Variants in CIMAP1A observed in about 807,000 individuals in gnomAD.
CIMAP1A encodes the protein cancer/testis antigen 135.
At chr11:197,591 G>C in the CIMAP1A span, 1 of 1,613,350 alleles carries the variant, frequency 6.2e-7, no homozygotes. Flanking sequence ...ACCAAGCTGC[G>C]TGCACCGGCC....
chr11:197,345 G>GC, the CIMAP1A span: 2 of 1,594,304 alleles, frequency 1.3e-6, no homozygotes. Context: ...AGGCCCCATC[G>GC]CCCCCGGGGA....
chr11:197,467 G>A, the CIMAP1A span: 2 of 1,592,038 alleles, frequency 1.3e-6, no homozygotes, highest in Non-Finnish European at 8.6e-7. Context: ...GGCAGGTGGG[G>A]GTCCCGGGAA....
At chr11:199,324 C>T in the CIMAP1A span, 8 of 1,550,698 alleles carry the variant, frequency 5.2e-6, 1 homozygote, top group South Asian at 1.2e-5. Context: ...TAGGGCCACA[C>T]GCCCTGGGTA....
chr11:198,561 C>T, the CIMAP1A span: 9 of 1,611,164 alleles, frequency 5.6e-6, no homozygotes, highest in South Asian at 1.1e-5. Context: ...GCAAGCTGGG[C>T]GGCTTCAGCG....
the CIMAP1A span, chr11:197,796 A>G: frequency 8.8e-4 from 1,407 of 1,603,722 alleles, no homozygotes; most frequent in Non-Finnish European, 1.1e-3. Context: ...TGCCCTGCGC[A>G]GCCTCAGGCC....
At chr11:198,093 G>A in the CIMAP1A span, 7 of 1,549,832 alleles carry the variant, frequency 4.5e-6, no homozygotes, top group Admixed American at 2.0e-5. Flanking sequence ...CTGTGTTGGA[G>A]CCCAGAGGCC....
At chr11:197,334 G>C in the CIMAP1A span, 2 of 1,589,858 alleles carry the variant, frequency 1.3e-6, no homozygotes, top group East Asian at 2.3e-5. Context: ...TGGGTACCTG[G>C]AGGCCCCATC....
At chr11:199,352 C>A in the CIMAP1A span, 8 of 1,561,194 alleles carry the variant, frequency 5.1e-6, no homozygotes, top group East Asian at 1.9e-4. Flanking sequence ...TTGGTCTGAG[C>A]CTCCTTTACC....
the CIMAP1A span, chr11:197,429 ACT>A: frequency 6.3e-7 from 1 of 1,598,018 alleles, no homozygotes; most frequent in Non-Finnish European, 8.5e-7. Flanking sequence ...AGCCTGAGAG[ACT>A]GTGGGAGAGG....
chr11:197,531 C>G, the CIMAP1A span: 1 of 1,608,852 alleles, frequency 6.2e-7, no homozygotes, highest in Non-Finnish European at 8.5e-7. Flanking sequence ...GGTCAGGCTC[C>G]GGGCTGCTCA....
At chr11:199,456 C>G in the CIMAP1A span, 2 of 1,563,998 alleles carry the variant, frequency 1.3e-6, no homozygotes, top group Non-Finnish European at 1.7e-6. Flanking sequence ...CCGTGTGGAG[C>G]CCCCAGGGGA....
the CIMAP1A span, chr11:198,914 T>G: frequency 1.7e-6 from 2 of 1,209,026 alleles, no homozygotes; most frequent in Non-Finnish European, 2.1e-6. Context: ...AACCATGAGC[T>G]ATTTGGGGGA....
chr11:199,849 G>C, the CIMAP1A span: 1 of 1,522,854 alleles, frequency 6.6e-7, no homozygotes, highest in South Asian at 1.3e-5. Flanking sequence ...CTTGGCCCCA[G>C]GTTCAGGAAG....
the CIMAP1A span, chr11:197,782 C>T: frequency 6.2e-7 from 1 of 1,610,354 alleles, no homozygotes; most frequent in Admixed American, 1.7e-5. Flanking sequence ...CTGTCTCAGG[C>T]TCCTGCCCTG....
the CIMAP1A span, chr11:198,774 G>T: frequency 4.3e-5 from 61 of 1,434,488 alleles, 1 homozygote; most frequent in East Asian, 3.5e-4. Flanking sequence ...CAACAGGCCA[G>T]AAGGGAGACG....
the CIMAP1A span, chr11:197,045 T>A: frequency 9.5e-6 from 3 of 315,070 alleles, no homozygotes; most frequent in East Asian, 6.1e-5. Flanking sequence ...CCGAGAACAG[T>A]GGTGAGTTAA....
At chr11:197,351 G>A in the CIMAP1A span, 4 of 1,596,242 alleles carry the variant, frequency 2.5e-6, no homozygotes, top group African/African-American at 1.3e-5. Flanking sequence ...CATCGCCCCC[G>A]GGGACCCATC....
At chr11:199,875 C>T in the CIMAP1A span, 1 of 1,582,416 alleles carries the variant, frequency 6.3e-7, no homozygotes, top group Admixed American at 1.8e-5. Flanking sequence ...CAGCCCAGCC[C>T]CAGCCAGGGC....
chr11:197,328 T>G, the CIMAP1A span: 4 of 1,585,400 alleles, frequency 2.5e-6, no homozygotes, highest in Admixed American at 3.5e-5. Flanking sequence ...TATGGATGGG[T>G]ACCTGGAGGC....
Sources: allele counts gnomAD v4.1 joint callset, GRCh38; gene constraint gnomAD v4.1.1; transcripts MANE v1.5; gene names NCBI Gene and HGNC (gene_info 2026-07-23, HGNC 2026-07-21).